The following KCNH5 variants were observed in gnomAD, a reference collection of about 807,000 sequenced individuals.
The protein encoded by KCNH5 is voltage-gated delayed rectifier potassium channel KCNH5.
Under a neutral mutation model 96.1 loss-of-function variants are expected in KCNH5, and 46 were observed. The ratio of observed to expected loss-of-function variants is 0.48; its 90% CI spans 0.38 to 0.61. The LOEUF is 0.61. Among genes scored for constraint, KCNH5 ranks in the 20% least tolerant of loss-of-function variants. The pLI, the probability that KCNH5 is intolerant of heterozygous loss-of-function variation, is 0.00. For missense variants in KCNH5, 907 were observed against 1,225.8 expected, an observed-to-expected ratio of 0.74 and a Z score of 3.88; for synonymous variants, 439 against 449.8, an observed-to-expected ratio of 0.98 and a Z score of 0.30.
Position 62,931,213 on chromosome 14 carries a change from T to C in KCNH5, c.1369+18920A>G, listed in dbSNP as rs991237221. 2.0e-5 allele frequency among the ~76,000 whole-genome samples: 3 copies of C among 152,138 alleles called. No individual in the cohort carries two copies. The South Asian group carries it at 6.2e-4, about 31-fold the overall frequency. On this transcript the variant is annotated intron_variant, in intron 7 of 10. Transcript: ENST00000322893. ...CTACAGGTTAAATAGACAGATATTA[T>C]AGCAATGAACCTCTGATGGATTTAG...
intron 7 of KCNH5, among the ~76,000 whole-genome samples, chr14:62,893,192 A>G (rs1266605612): frequency 1.3e-5 from 2 of 152,212 alleles, no homozygotes; most frequent in Admixed American, 6.5e-5. Context: ...CTACATTAAC[A>G]TGAGTCTGGA....
At chr14:62,756,254 A>G (rs1459753339) in intron 10 of KCNH5, among the ~76,000 whole-genome samples, 1 of 152,140 alleles carries the variant, frequency 6.6e-6, no homozygotes, top group Non-Finnish European at 1.5e-5. Context: ...GAATAATAAG[A>G]TCACTATGAT....
Position 62,820,084 on chromosome 14 carries a change from C to A in KCNH5, c.1570-17503G>T, listed in dbSNP as rs17100388. ...CCACATGCAGGTTACTTGCTTATCTCACTAGGAAGACAAGACAAATCATTG... is the reference window on the plus strand; with the variant it reads ...CCACATGCAGGTTACTTGCTTATCTAACTAGGAAGACAAGACAAATCATTG... On this transcript the variant is annotated intron_variant, in intron 8 of 10. Transcript: ENST00000322893. Among the ~76,000 whole-genome samples, 777 of 152,244 alleles carry A rather than the reference C, an allele frequency of 5.1e-3. 4 individuals carry two copies. Among genetic ancestry groups the A allele is most frequent in the African/African-American group, 0.018 (736 of 41,550 alleles).
At chr14:63,003,608 T>A (rs1449941978) in intron 3 of KCNH5, among the ~76,000 whole-genome samples, 90 of 115,012 alleles carry the variant, frequency 7.8e-4, no homozygotes, top group African/African-American at 3.3e-3. Flanking sequence ...ATATTTATAT[T>A]TATATATATA....
At chr14:62,925,939 T>C (rs989345346) in intron 7 of KCNH5, among the ~76,000 whole-genome samples, 1 of 152,122 alleles carries the variant, frequency 6.6e-6, no homozygotes, top group African/African-American at 2.4e-5. Flanking sequence ...TTTTTGTCAA[T>C]GTATAAATTA....
intron 10 of KCNH5, among the ~76,000 whole-genome samples, chr14:62,756,115 A>T (rs1885619054): frequency 6.6e-6 from 1 of 152,160 alleles, no homozygotes; most frequent in South Asian, 2.1e-4. Flanking sequence ...GTTCTAAGAT[A>T]CAAAATCAAC....
At chr14:62,887,795 C>A (rs757705374) in intron 7 of KCNH5, among the ~76,000 whole-genome samples, 10 of 151,758 alleles carry the variant, frequency 6.6e-5, no homozygotes, top group Non-Finnish European at 1.0e-4. Flanking sequence ...AAGCTTCTTA[C>A]TGCATAAGAA....
In KCNH5 at chr14:62,832,356, C is replaced by T. The variant is rs539607645; in HGVS notation, c.1569+17297G>A. On this transcript the variant is annotated intron_variant, in intron 8 of 10. Coordinates refer to ENST00000322893, the MANE Select transcript of KCNH5 (RefSeq NM_139318.5). ...GATACCTCAAATAAGTGGTATCATG[C>T]GGTATTTGTCCTTTAATGATTGGTT... is the stretch of plus-strand genomic sequence containing the variant. Among the ~76,000 whole-genome samples, 56 of 152,096 alleles carry T rather than the reference C, an allele frequency of 3.7e-4. 2 individuals are homozygous for T. In the South Asian group the frequency reaches 8.5e-3, roughly 23 times the overall value.
intron 4 of KCNH5, among the ~76,000 whole-genome samples, chr14:62,994,252 G>C (rs1009036006): frequency 6.6e-6 from 1 of 151,934 alleles, no homozygotes; most frequent in African/African-American, 2.4e-5. Flanking sequence ...TGCTATTTTG[G>C]CTGTTATTTT....
At chr14:62,818,103 T>TGGGGGGAGG (rs71120236) in intron 8 of KCNH5, among the ~76,000 whole-genome samples, 1 of 39,906 alleles carries the variant, frequency 2.5e-5, no homozygotes, top group Non-Finnish European at 4.7e-5. Flanking sequence ...TACCAGGAGC[T>TGGGGGGAGG]GGGGGCGGGG....
chr14:62,994,411 T>A (rs2139583286), intron 4 of KCNH5, among the ~76,000 whole-genome samples: 1 of 152,180 alleles, frequency 6.6e-6, no homozygotes, highest in East Asian at 1.9e-4. Context: ...ATTTAGGCCA[T>A]CTCTTTTAGA....
intron 7 of KCNH5, among the ~76,000 whole-genome samples, chr14:62,917,992 T>C (rs553231364): frequency 6.6e-6 from 1 of 152,274 alleles, no homozygotes; most frequent in East Asian, 1.9e-4. Flanking sequence ...TGCTGTTCCA[T>C]CTGTCTAAAG....
intron 10 of KCNH5, among the ~76,000 whole-genome samples, chr14:62,773,159 AG>A (rs1886026102): frequency 6.6e-6 from 1 of 152,226 alleles, no homozygotes; most frequent in South Asian, 2.1e-4. Flanking sequence ...TGAGCTTCCA[AG>A]GACTAGATTC....
At chr14:62,815,882 C>CAA (rs1886967576) in intron 8 of KCNH5, among the ~76,000 whole-genome samples, 3 of 151,750 alleles carry the variant, frequency 2.0e-5, no homozygotes, top group Admixed American at 1.3e-4. Flanking sequence ...CACACACACA[C>CAA]AAAACACCAA....
chr14:63,043,403 G>C (rs1002215021), intron 1 of KCNH5, among the ~76,000 whole-genome samples: 1 of 152,110 alleles, frequency 6.6e-6, no homozygotes. Context: ...AAGAAGACTT[G>C]TATACTTAAC....
chr14:62,781,852 TCAGCTGA>T lies in KCNH5; in HGVS notation c.1823-1935_1823-1929del, dbSNP rs200452387. ...GGTCCTAAGGCAATATACATCCTCC[TCAGCTGA>T]CAGGATTAAGAGATTAAAGACAGGC... On this transcript the variant is annotated intron_variant, in intron 9 of 10. Transcript: ENST00000322893. Among the ~76,000 whole-genome samples the T allele has an allele frequency of 4.0e-3, 610 of 152,238 alleles. 8 individuals are homozygous for T. Among genetic ancestry groups the T allele is most frequent in the African/African-American group, 0.014 (572 of 41,530 alleles).
At chr14:62,866,882 G>C (rs1276663216) in intron 7 of KCNH5, among the ~76,000 whole-genome samples, 2 of 152,136 alleles carry the variant, frequency 1.3e-5, no homozygotes, top group Non-Finnish European at 2.9e-5. Context: ...CCTCCTAATT[G>C]ATACTCTTGC....
intron 3 of KCNH5, among the ~76,000 whole-genome samples, chr14:63,003,583 A>AATATATATATTTATATATTTATATTTAT (rs1891064369): frequency 8.2e-6 from 1 of 121,526 alleles, no homozygotes; most frequent in Non-Finnish European, 1.6e-5. Context: ...TTATATACAT[A>AATATATATATTTATATATTTATATTTAT]ATATATATAT....
At chr14:62,731,711 C>T (rs533901798) in intron 10 of KCNH5, among the ~76,000 whole-genome samples, 8 of 152,216 alleles carry the variant, frequency 5.3e-5, no homozygotes, top group Admixed American at 3.9e-4. Context: ...GGTTTAGATG[C>T]GTTGCAAATA....
Sources: gnomAD v4.1 joint callset for allele counts (sites outside exome capture counted in the v4.1 genomes callset) on GRCh38, gnomAD v4.1.1 for gene constraint, MANE v1.5 for transcripts, NCBI Gene and HGNC (gene_info 2026-07-23, HGNC 2026-07-21) for gene names.